The following RUFY3 variants were observed in gnomAD, a reference collection of about 807,000 sequenced individuals.
RUFY3 encodes the protein protein RUFY3.
In RUFY3, 34 loss-of-function variants were observed where a neutral mutation model predicts 84.0. That is an observed-to-expected ratio of 0.40 (90% confidence interval 0.31 to 0.54). RUFY3 has a LOEUF of 0.54. Ranked by LOEUF, RUFY3 falls within the 20% of genes least tolerant of loss-of-function variation. RUFY3 has a pLI of 0.39. For missense variants in RUFY3, 507 were observed against 736.8 expected, an observed-to-expected ratio of 0.69 and a Z score of 3.61; for synonymous variants, 242 against 252.9, an observed-to-expected ratio of 0.96 and a Z score of 0.41.
chr4:70,720,822 G>A (rs1742183686), upstream of RUFY3, among the ~76,000 whole-genome samples: 1 of 150,514 alleles, frequency 6.6e-6, no homozygotes, highest in African/African-American at 2.4e-5. Context: ...AATTTATGTA[G>A]TTCATAAAGC....
rs543131538 is a variant in RUFY3, at chr4:70,761,301, G to A, written c.179-1218G>A. On this transcript the variant is annotated intron_variant, in intron 1 of 17. Transcript: ENST00000381006. ...GCTATTATGGGCCTGCTTTAGCACC[G>A]GAAAGAAGGGAGAATACCTAAATAT... 1.4e-4 allele frequency among the ~76,000 whole-genome samples: 22 copies of A among 152,232 alleles called. 1 individual carries two copies. Among genetic ancestry groups the A allele is most frequent in the African/African-American group, 4.3e-4 (18 of 41,536 alleles).
At chr4:70,797,499 G>C (rs894642748) in intron 14 of RUFY3, among the ~76,000 whole-genome samples, 3 of 152,012 alleles carry the variant, frequency 2.0e-5, no homozygotes, top group African/African-American at 7.3e-5. Context: ...GAAAACAATG[G>C]TATGTGGAAA....
intron 4 of RUFY3, among the ~76,000 whole-genome samples, chr4:70,767,259 ATTTTTTTTTTTTTTTTT>A (rs779388140): frequency 4.8e-4 from 24 of 49,690 alleles, no homozygotes; most frequent in African/African-American, 1.4e-3. Flanking sequence ...CTAATTTTGT[ATTTTTTTTTTTTTTTTT>A]TTTTTTTTTT....
At chr4:70,801,414 G>A (rs1732219927) in intron 15 of RUFY3, among the ~76,000 whole-genome samples, 1 of 152,128 alleles carries the variant, frequency 6.6e-6, no homozygotes, top group Non-Finnish European at 1.5e-5. Flanking sequence ...TACCACTCTG[G>A]TGCAGCATGT....
At chr4:70,765,044 C>T (rs562317832) in intron 4 of RUFY3, among the ~76,000 whole-genome samples, 104 of 151,752 alleles carry the variant, frequency 6.9e-4, no homozygotes, top group East Asian at 4.6e-3. Context: ...AAAAATTAGC[C>T]GGGCGTGGCG....
Position 70,721,969 on chromosome 4 carries a change from A to G in RUFY3, c.-605A>G, listed in dbSNP as rs1742353007. On this transcript the variant is annotated 5_prime_UTR_variant, in exon 1 of 18. Coordinates refer to ENST00000381006, the MANE Select transcript of RUFY3 (RefSeq NM_001037442.4). ...TGAGCCTGAATTTTCAGTTCAGTTC[A>G]TTAGTCAGCCATTTTGGTCAACACC... The G allele has an allele frequency of 8.1e-7, 1 of 1,232,186 alleles. No homozygotes were observed. The highest frequency in any genetic ancestry group is 1.0e-6 in the Non-Finnish European group (1 of 987,974). 76.3% of individuals were successfully genotyped at this position (1,232,186 alleles called of 1,614,324 possible).
chr4:70,767,324 G>C (rs1726146341), intron 4 of RUFY3, among the ~76,000 whole-genome samples: 1 of 137,374 alleles, frequency 7.3e-6, no homozygotes, highest in African/African-American at 2.8e-5. Context: ...TGGTCAGGCT[G>C]GTCTCGAACT....
chr4:70,722,071 G>T lies in RUFY3; in HGVS notation c.-503G>T. The T allele has an allele frequency of 8.9e-6, 11 of 1,232,058 alleles. No individual in the cohort carries two copies. Among genetic ancestry groups the T allele is most frequent in the Non-Finnish European group, 1.1e-5 (11 of 987,942 alleles). 76.3% of individuals were successfully genotyped at this position (1,232,058 alleles called of 1,614,324 possible). ...TGAGCAGATCCTGGAAGTGATTTCT[G>T]CAGCTCAGGATTTTTTTTTTAAGCT... On this transcript the variant is annotated 5_prime_UTR_variant, in exon 1 of 18. Coordinates refer to ENST00000381006, the MANE Select transcript of RUFY3 (RefSeq NM_001037442.4).
chr4:70,789,169 C>T (rs1730401800), intron 11 of RUFY3, among the ~76,000 whole-genome samples, 196 bp downstream of exon 11: 1 of 152,122 alleles, frequency 6.6e-6, no homozygotes, highest in South Asian at 2.1e-4. Flanking sequence ...AAAACCATGG[C>T]CACTTTTCAC....
chr4:70,760,678 T>G lies in RUFY3; in HGVS notation c.179-1841T>G, dbSNP rs146502453. Among the ~76,000 whole-genome samples the G allele has an allele frequency of 5.9e-5, 9 of 152,312 alleles. No individual in the cohort carries two copies. In the East Asian group the frequency reaches 1.7e-3, roughly 29 times the overall value. On this transcript the variant is annotated intron_variant, in intron 1 of 17. Transcript: ENST00000381006. ...CTGTCTTTCAGGGCATAGTTTTCCA[T>G]GTATTTTGCTGTCCTCTTGTGAGAA...
chr4:70,784,715 T>C (rs1158802591), intron 9 of RUFY3, 81 bp from the exon 10 acceptor site: 1 of 804,020 alleles, frequency 1.2e-6, no homozygotes, highest in African/African-American at 1.8e-5. Flanking sequence ...GATCTTTTTT[T>C]CTTGCTAAGT....
chr4:70,707,422 T>C (rs940987732), intron 1 of RUFY3, among the ~76,000 whole-genome samples: 4 of 152,246 alleles, frequency 2.6e-5, no homozygotes, highest in African/African-American at 7.2e-5. Flanking sequence ...TTTTTAGTAT[T>C]TTTAGTAGAG....
At chr4:70,776,197 G>T (rs1422190135) in intron 7 of RUFY3, among the ~76,000 whole-genome samples, 2 of 152,062 alleles carry the variant, frequency 1.3e-5, no homozygotes, top group Non-Finnish European at 2.9e-5. Context: ...CTATACATAT[G>T]TACCTATGAT....
At position 70,805,770 on chromosome 4, in the gene RUFY3, T is replaced by G. The variant is rs575321512; in HGVS notation, c.1720-746T>G. Among the ~76,000 whole-genome samples, 21 of 152,232 alleles carry G rather than the reference T, an allele frequency of 1.4e-4. 1 individual carries two copies. Among genetic ancestry groups the G allele is most frequent in the African/African-American group, 3.9e-4 (16 of 41,552 alleles). ...CTTTCAGATAAAAGCAACCCCCTAC[T>G]CCTCTCAACCTCAGGAAGATGAATT... On this transcript the variant is annotated intron_variant, in intron 17 of 17. Coordinates refer to ENST00000381006, the MANE Select transcript of RUFY3 (RefSeq NM_001037442.4).
At chr4:70,724,122 T>C (rs1447526271) in intron 1 of RUFY3, among the ~76,000 whole-genome samples, 1 of 152,226 alleles carries the variant, frequency 6.6e-6, no homozygotes, top group African/African-American at 2.4e-5. Context: ...ATGCCAGTAC[T>C]ATTTATTTTT....
chr4:70,764,147 T>G (rs1454311332), intron 3 of RUFY3, among the ~76,000 whole-genome samples: 1 of 152,234 alleles, frequency 6.6e-6, no homozygotes, highest in East Asian at 1.9e-4. Flanking sequence ...TCCACATTCA[T>G]GCTTTGGACA....
Position 70,762,670 on chromosome 4 carries a change from C to T in RUFY3, c.330C>T (p.His110=), listed in dbSNP as rs941640753. The stretch of plus-strand genomic sequence containing the variant: ...AGCAATTCTTTGTGGTGATGGAGCA[C>T]TGTCTGAAACATGGCTTGAAAGGTA... The part of the protein sequence containing the change: ...PLQQFFVVME[H]CLKHGLKAKK... Residue 110 remains histidine (H), a synonymous_variant, in exon 2 of 18, where the codon CAC becomes CAT. Transcript: ENST00000381006. The T allele has an allele frequency of 2.5e-6, 4 of 1,612,138 alleles. No homozygotes were observed. In the African/African-American group the frequency reaches 4.0e-5, roughly 16 times the overall value.
rs755698570 is a variant in RUFY3 at position 70,740,306 on chromosome 4, T to C, written c.178+17555T>C. Among the ~76,000 whole-genome samples, 5 of 152,294 alleles carry C rather than the reference T, an allele frequency of 3.3e-5. No homozygotes were observed. The East Asian group carries it at 7.7e-4, about 23-fold the overall frequency. ...ATCACTCTGATACTTAAAACTTTAA[T>C]CTCTGTTTTAAGAAGAAAACAGAAA... On this transcript the variant is annotated intron_variant, in intron 1 of 17. Coordinates refer to ENST00000381006, the MANE Select transcript of RUFY3 (RefSeq NM_001037442.4).
intron 1 of RUFY3, among the ~76,000 whole-genome samples, chr4:70,754,507 G>A (rs916941750): frequency 5.3e-5 from 8 of 151,764 alleles, no homozygotes; most frequent in African/African-American, 1.7e-4. Context: ...GATATTCTAA[G>A]GGTCCTAAGA....
Sources: allele counts gnomAD v4.1 joint callset (sites outside exome capture counted in the v4.1 genomes callset), GRCh38; gene constraint gnomAD v4.1.1; transcripts MANE v1.5; gene names NCBI Gene and HGNC (gene_info 2026-07-23, HGNC 2026-07-21).